The following ITGBL1 variants were observed in gnomAD, a reference collection of about 807,000 sequenced individuals.
ITGBL1 encodes integrin subunit beta like 1.
A neutral mutation model predicts 68.5 loss-of-function variants in ITGBL1; 51 were observed. The observed-to-expected ratio is 0.74, with a 90% CI of 0.59 to 0.94. ITGBL1 has a LOEUF of 0.94. Ranked by LOEUF, ITGBL1 falls within the 40% of genes least tolerant of loss-of-function variation. ITGBL1 has a pLI of 0.00. For synonymous variants in ITGBL1, 209 were observed against 227.3 expected, an observed-to-expected ratio of 0.92 and a Z score of 0.72; for missense variants, 649 against 647.4, an observed-to-expected ratio of 1.00 and a Z score of -0.03.
chr13:101,517,215 C>T (rs932316309), intron 2 of ITGBL1, among the ~76,000 whole-genome samples: 2 of 152,112 alleles, frequency 1.3e-5, no homozygotes, highest in Non-Finnish European at 2.9e-5. Context: ...CACAGAGAGA[C>T]AGTGGCGAGC....
At chr13:101,497,438 C>G (rs367733652) in intron 2 of ITGBL1, among the ~76,000 whole-genome samples, 1 of 152,176 alleles carries the variant, frequency 6.6e-6, no homozygotes, top group East Asian at 1.9e-4. Context: ...TTCCCTTCTA[C>G]TCACCCCACA....
intron 2 of ITGBL1, among the ~76,000 whole-genome samples, chr13:101,460,391 C>T (rs1211220365): frequency 6.6e-6 from 1 of 152,208 alleles, no homozygotes; most frequent in East Asian, 1.9e-4. Flanking sequence ...AGGAGTTCCC[C>T]ACTAGCTCAC....
At chr13:101,605,328 A>C (rs201163786) in intron 7 of ITGBL1, among the ~76,000 whole-genome samples, 1 of 28 alleles carries the variant, frequency 0.036, no homozygotes, top group Non-Finnish European at 0.12. Context: ...GCATATGCGT[A>C]TATATATATA....
chr13:101,675,841 C>T (rs891159968), intron 7 of ITGBL1, among the ~76,000 whole-genome samples: 1 of 152,052 alleles, frequency 6.6e-6, no homozygotes, highest in East Asian at 1.9e-4. Context: ...CTCTTATGCT[C>T]CTTTCCCCAA....
intron 2 of ITGBL1, among the ~76,000 whole-genome samples, chr13:101,471,762 CT>C (rs1566689372): frequency 6.6e-6 from 1 of 151,760 alleles, no homozygotes; most frequent in Non-Finnish European, 1.5e-5. Flanking sequence ...ATCTTTGACT[CT>C]GAACCAATAA....
rs1025290834 is a variant in ITGBL1, at chr13:101,716,443, T to G, written c.*789T>G. The G allele has an allele frequency of 3.3e-5, 5 of 152,186 alleles. No homozygotes were observed. Among genetic ancestry groups the G allele is most frequent in the Admixed American group, 1.3e-4 (2 of 15,274 alleles). 9.4% of individuals were successfully genotyped at this position (152,186 alleles called of 1,614,324 possible). ...TAAATAAATAGTGACAGAAGTTGTT[T>G]ATACTCTGTGTCAGTATATATATCT... On this transcript the variant is annotated 3_prime_UTR_variant, in exon 11 of 11. Transcript: ENST00000376180.
At chr13:101,536,141 A>G (rs1041931240) in intron 2 of ITGBL1, among the ~76,000 whole-genome samples, 1 of 151,932 alleles carries the variant, frequency 6.6e-6, no homozygotes, top group Non-Finnish European at 1.5e-5. Context: ...ATACCATCTC[A>G]CACCAGTTAG....
chr13:101,680,417 A>C (rs9518486), intron 7 of ITGBL1, among the ~76,000 whole-genome samples: 29,088 of 151,922 alleles, frequency 0.19, 3,545 homozygotes, highest in Admixed American at 0.28. Flanking sequence ...TTATCATTTT[A>C]AAAAGTGAAA....
chr13:101,639,415 G>A (rs1321476482), intron 7 of ITGBL1, among the ~76,000 whole-genome samples: 1 of 152,012 alleles, frequency 6.6e-6, no homozygotes, highest in Non-Finnish European at 1.5e-5. Context: ...ATTTGGAATT[G>A]GGTGAGTCAT....
intron 8 of ITGBL1, among the ~76,000 whole-genome samples, chr13:101,704,978 C>A (rs988413302): frequency 6.6e-6 from 1 of 152,014 alleles, no homozygotes; most frequent in Non-Finnish European, 1.5e-5. Context: ...CAGTCATTAG[C>A]CTTAGAAAGT....
At chr13:101,546,747 A>G (rs145202295) in intron 2 of ITGBL1, among the ~76,000 whole-genome samples, 1 of 152,248 alleles carries the variant, frequency 6.6e-6, no homozygotes, top group East Asian at 1.9e-4. Flanking sequence ...TAGCAAGCTT[A>G]TAAATTTAGA....
At chr13:101,563,139 T>C (rs2050127954) in intron 2 of ITGBL1, among the ~76,000 whole-genome samples, 2 of 151,170 alleles carry the variant, frequency 1.3e-5, no homozygotes, top group African/African-American at 4.8e-5. Flanking sequence ...AATTTGTGGA[T>C]TGCAGCTAAC....
intron 4 of ITGBL1, among the ~76,000 whole-genome samples, chr13:101,578,706 G>C (rs1234731104): frequency 6.6e-6 from 1 of 152,186 alleles, no homozygotes; most frequent in Non-Finnish European, 1.5e-5. Flanking sequence ...GTGGCCAAGG[G>C]CCCATGGTAT....
chr13:101,684,214 A>G (rs1011050857), intron 7 of ITGBL1, among the ~76,000 whole-genome samples: 2 of 151,914 alleles, frequency 1.3e-5, no homozygotes, highest in Non-Finnish European at 2.9e-5. Flanking sequence ...ATTCTATTCT[A>G]CTTGGTCTCC....
At chr13:101,536,053 CTTT>C (rs67314696) in intron 2 of ITGBL1, among the ~76,000 whole-genome samples, 7 of 150,940 alleles carry the variant, frequency 4.6e-5, no homozygotes, top group African/African-American at 1.7e-4. Flanking sequence ...CCTTTTCTAT[CTTT>C]TTTTTTTAAA....
chr13:101,593,407 G>A (rs2050690135), intron 6 of ITGBL1, among the ~76,000 whole-genome samples: 1 of 151,968 alleles, frequency 6.6e-6, no homozygotes, highest in Non-Finnish European at 1.5e-5. Flanking sequence ...ATATAATTCA[G>A]TAATTTCACT....
chr13:101,576,466 G>C (rs1190472565), intron 4 of ITGBL1, among the ~76,000 whole-genome samples: 6 of 152,084 alleles, frequency 3.9e-5, no homozygotes. Context: ...AGAATCATTT[G>C]GTTTAGGTAA....
chr13:101,709,294 A>G lies in ITGBL1; in HGVS notation c.1279+2392A>G, dbSNP rs943743992. 1.0e-4 allele frequency among the ~76,000 whole-genome samples: 14 copies of G among 139,748 alleles called. No individual in the cohort carries two copies. In the East Asian group the frequency reaches 2.0e-3, roughly 20 times the overall value. 91.7% of individuals were successfully genotyped at this position (139,748 alleles called of 152,430 possible). A position where few individuals can be genotyped will look rare whatever the true frequency, so the allele number is the denominator to read the frequency against. ...GCAGGAGAATGGCGTGAACCCGGGAAGCGGAGCTTGCAGTGAGCCGAGATT... is the reference window on the plus strand; with the variant it reads ...GCAGGAGAATGGCGTGAACCCGGGAGGCGGAGCTTGCAGTGAGCCGAGATT... On this transcript the variant is annotated intron_variant, in intron 9 of 10. Coordinates refer to ENST00000376180, the MANE Select transcript of ITGBL1 (RefSeq NM_004791.3).
intron 2 of ITGBL1, among the ~76,000 whole-genome samples, chr13:101,522,008 G>T (rs893509946): frequency 6.6e-6 from 1 of 151,560 alleles, no homozygotes; most frequent in African/African-American, 2.4e-5. Context: ...GCTCACAGTG[G>T]GAGAGAAAGA....
Sources: gnomAD v4.1 joint callset for allele counts (sites outside exome capture counted in the v4.1 genomes callset) on GRCh38, gnomAD v4.1.1 for gene constraint, MANE v1.5 for transcripts, NCBI Gene and HGNC (gene_info 2026-07-23, HGNC 2026-07-21) for gene names.